The following MEP1A variants were observed in gnomAD, a reference collection of about 807,000 sequenced individuals.
MEP1A encodes the protein N-benzoyl-L-tyrosyl-P-amino-benzoic acid hydrolase subunit alpha.
Under a neutral mutation model 84.5 loss-of-function variants are expected in MEP1A, and 68 were observed. That is an observed-to-expected ratio of 0.80 (90% CI 0.66 to 0.98). The LOEUF (loss-of-function observed/expected upper bound fraction) is 0.98, where lower values mean the gene tolerates loss of function less well. MEP1A is among the 50% of genes least tolerant of loss of function. The probability of loss-of-function intolerance (pLI) is 0.00; values close to 1 mark genes in which losing one functional copy is unlikely to be tolerated. For missense variants in MEP1A, 887 were observed against 919.9 expected (o/e 0.96, Z 0.46); for synonymous variants, 337 against 336.8 (o/e 1.00, Z -0.01).
chr6:46,830,170 A>C (rs1768047228), intron 10 of MEP1A, among the ~76,000 whole-genome samples: 1 of 145,958 alleles, frequency 6.9e-6, no homozygotes, highest in Non-Finnish European at 1.5e-5. Flanking sequence ...GAATTGCTGG[A>C]ACCCGGGAGG....
rs1554189017 is a variant in MEP1A at position 46,807,776 on chromosome 6, A to AAAGAAAGAAAGAAAGG, written c.263-1629_263-1628insGAAGAAAGAAAGAAAG. Among the ~76,000 whole-genome samples the AAAGAAAGAAAGAAAGG allele has an allele frequency of 2.7e-3, 172 of 62,702 alleles. 4 individuals carry two copies. The highest frequency in any genetic ancestry group is 7.5e-3 in the African/African-American group (164 of 21,770). The allele number at this position is 62,702 out of a possible 152,430, so 41.1% of individuals were successfully genotyped here. On this transcript the variant is annotated intron_variant, in intron 5 of 13. Transcript: ENST00000230588. ...GAAGGAAGGAAGGGAGAAAGGAAAG[A>AAAGAAAGAAAGAAAGG]AAGAAAGAAAGAAAGAAAGAAAGAA... is the stretch of plus-strand genomic sequence containing the variant.
intron 5 of MEP1A, among the ~76,000 whole-genome samples, chr6:46,803,881 AT>A (rs1351096102): frequency 2.0e-5 from 3 of 151,614 alleles, no homozygotes; most frequent in Non-Finnish European, 4.4e-5. Context: ...GTATGTTTAC[AT>A]TTTTAAAAAT....
In MEP1A at chr6:46,833,426, G is replaced by C; in HGVS notation, c.1497G>C (p.Trp499Cys). Residue 499 changes from tryptophan (W) to cysteine (C), a missense_variant, in exon 11 of 14, where the codon TGG becomes TGC. Coordinates refer to ENST00000230588, the MANE Select transcript of MEP1A (RefSeq NM_005588.3). Reference sequence around the variant, plus strand: ...GGGAGAACGATGCTATCCTGGAGTGGCCGGTAGAAAACAGACAGGTGATAA... The same window carrying C: ...GGGAGAACGATGCTATCCTGGAGTGCCCGGTAGAAAACAGACAGGTGATAA... ...CSGENDAILE[W>C]PVENRQVIIT... The C allele has an allele frequency of 6.2e-7, 1 of 1,614,152 alleles. No homozygotes were observed. Among genetic ancestry groups the C allele is most frequent in the Non-Finnish European group, 8.5e-7 (1 of 1,180,020 alleles).
intron 3 of MEP1A, among the ~76,000 whole-genome samples, chr6:46,797,067 C>G (rs1401680252): frequency 1.3e-5 from 2 of 152,182 alleles, no homozygotes; most frequent in Non-Finnish European, 2.9e-5. Flanking sequence ...ACAGGGATAG[C>G]CCTAGTTAGT....
At chr6:46,816,851 G>A (rs1236064986) in intron 6 of MEP1A, among the ~76,000 whole-genome samples, 1 of 152,138 alleles carries the variant, frequency 6.6e-6, no homozygotes, top group Non-Finnish European at 1.5e-5. Flanking sequence ...ACTCAGCAGG[G>A]GCAGCCATAA....
chr6:46,824,199 C>A (rs1379138617), intron 7 of MEP1A, among the ~76,000 whole-genome samples: 1 of 151,962 alleles, frequency 6.6e-6, no homozygotes, highest in Non-Finnish European at 1.5e-5. Flanking sequence ...TTTTTCCTGT[C>A]ATTTGGAATA....
At chr6:46,821,290 G>A (rs1448849721) in intron 7 of MEP1A, among the ~76,000 whole-genome samples, 1 of 152,190 alleles carries the variant, frequency 6.6e-6, no homozygotes, top group Admixed American at 6.5e-5. Flanking sequence ...TAGGTCACCA[G>A]CTTTGAGCCT....
chr6:46,839,499 A>G lies in MEP1A; in HGVS notation c.*363A>G, dbSNP rs1768293116. 6.1e-6 allele frequency: 1 copy of G among 164,994 alleles called. No homozygotes were observed. Among genetic ancestry groups the G allele is most frequent in the Non-Finnish European group, 1.3e-5 (1 of 76,784 alleles). The allele number at this position is 164,994 out of a possible 1,614,324, so 10.2% of individuals were successfully genotyped here. ...ATGGCTGGCACATTGTTGGCACTCA[A>G]CAATGGTTGAATGAATAAAACAATA... On this transcript the variant is annotated 3_prime_UTR_variant, in exon 14 of 14. Coordinates refer to ENST00000230588, the MANE Select transcript of MEP1A (RefSeq NM_005588.3).
intron 7 of MEP1A, among the ~76,000 whole-genome samples, chr6:46,824,995 GATCTATTTAAGTATATATAAATTATA>G (rs1767893049): frequency 8.3e-6 from 1 of 119,918 alleles, no homozygotes; most frequent in African/African-American, 3.3e-5. Flanking sequence ...TATTTAAATA[GATCTATTTAAGTATATATAAATTATA>G]TATTTAAATA....
intron 10 of MEP1A, among the ~76,000 whole-genome samples, chr6:46,830,894 T>C (rs1244700326): frequency 1.3e-5 from 2 of 152,240 alleles, no homozygotes; most frequent in Non-Finnish European, 1.5e-5. Context: ...GGATGTGTTA[T>C]GTTACCAAGG....
chr6:46,830,019 C>A (rs1768044036), intron 10 of MEP1A, among the ~76,000 whole-genome samples: 1 of 151,822 alleles, frequency 6.6e-6, no homozygotes, highest in South Asian at 2.1e-4. Context: ...GCCGAGGCGG[C>A]CTTGTGGATC....
At chr6:46,840,007 G>A (rs1369462488), downstream of MEP1A, among the ~76,000 whole-genome samples, 1 of 151,446 alleles carries the variant, frequency 6.6e-6, no homozygotes, top group Non-Finnish European at 1.5e-5. Context: ...CTCTAGCTGG[G>A]GCAAGGAAGT....
intron 5 of MEP1A, among the ~76,000 whole-genome samples, chr6:46,802,425 A>G (rs1405568334): frequency 6.6e-6 from 1 of 151,904 alleles, no homozygotes; most frequent in African/African-American, 2.4e-5. Flanking sequence ...TTGATTTTGT[A>G]TTCTGTTACC....
chr6:46,796,669 G>T (rs1767056655), intron 3 of MEP1A, among the ~76,000 whole-genome samples: 1 of 152,202 alleles, frequency 6.6e-6, no homozygotes, highest in Admixed American at 6.5e-5. Context: ...ATTGGGTAAT[G>T]AATAGATTGA....
At position 46,809,514 on chromosome 6, in the gene MEP1A, T is replaced by C; in HGVS notation, c.357T>C (p.Tyr119=). 6.2e-7 allele frequency: 1 copy of C among 1,606,468 alleles called. No individual in the cohort carries two copies. Residue 119 remains tyrosine (Y), a synonymous_variant, in exon 6 of 14, where the codon TAT becomes TAC. Transcript: ENST00000230588. The part of the protein sequence containing the change: ...DFKPYEGESS[Y]IIFQQFDGCW... ...AGCCCTATGAAGGAGAGAGCTCATA[T>C]ATCATATTTCAACAGTTTGATGGGT...
the MEP1A span, among the ~76,000 whole-genome samples, chr6:46,844,799 G>A: frequency 6.6e-6 from 1 of 152,064 alleles, no homozygotes; most frequent in African/African-American, 2.4e-5. Flanking sequence ...CAGGTAGATG[G>A]GTGATATGGT....
chr6:46,807,110 T>G (rs1562106314), intron 5 of MEP1A, among the ~76,000 whole-genome samples: 1 of 151,958 alleles, frequency 6.6e-6, no homozygotes, highest in Non-Finnish European at 1.5e-5. Context: ...CTAGGTAGCC[T>G]TCTTATGCTT....
At chr6:46,798,282 T>C (rs936890206) in intron 3 of MEP1A, among the ~76,000 whole-genome samples, 2 of 152,108 alleles carry the variant, frequency 1.3e-5, no homozygotes, top group African/African-American at 4.8e-5. Context: ...TCTAAATAGT[T>C]TTCATCCTCC....
intron 12 of MEP1A, 108 bp from the exon 13 acceptor site, chr6:46,835,141 G>A: frequency 1.0e-6 from 1 of 956,060 alleles, no homozygotes; most frequent in Non-Finnish European, 1.6e-6. Context: ...CATGTCACTA[G>A]GGGTGATGGG....
Sources: allele counts gnomAD v4.1 joint callset (sites outside exome capture counted in the v4.1 genomes callset), GRCh38; gene constraint gnomAD v4.1.1; transcripts MANE v1.5; gene names NCBI Gene and HGNC (gene_info 2026-07-23, HGNC 2026-07-21).